Variants in HIPK2 observed in about 807,000 individuals in gnomAD.
HIPK2 encodes the protein homeodomain-interacting protein kinase 2.
In HIPK2, 27 loss-of-function variants were observed where a neutral mutation model predicts 113.7. The observed-to-expected ratio is 0.24, with a 90% CI of 0.17 to 0.33. HIPK2 has a LOEUF of 0.33. HIPK2 is among the 10% of genes least tolerant of loss of function. The probability of loss-of-function intolerance (pLI) is 1.00; values close to 1 mark genes in which losing one functional copy is unlikely to be tolerated. For missense variants in HIPK2, 1,257 were observed against 1,588.0 expected (o/e 0.79, Z 3.54); for synonymous variants, 631 against 642.2 (o/e 0.98, Z 0.26).
intron 2 of HIPK2, among the ~76,000 whole-genome samples, chr7:139,671,362 TACTG>T (rs1024488170): frequency 6.6e-6 from 1 of 152,238 alleles, no homozygotes; most frequent in Non-Finnish European, 1.5e-5. Context: ...ACTTTGTATT[TACTG>T]ACTTACTTAA....
intron 2 of HIPK2, among the ~76,000 whole-genome samples, chr7:139,662,665 G>T (rs927879956): frequency 1.3e-5 from 2 of 150,208 alleles, no homozygotes; most frequent in Admixed American, 6.7e-5. Flanking sequence ...TGTCACCCAG[G>T]CTGGAGCACA....
At chr7:139,750,691 A>C (rs1030569540) in intron 1 of HIPK2, among the ~76,000 whole-genome samples, 1 of 152,200 alleles carries the variant, frequency 6.6e-6, no homozygotes, top group Admixed American at 6.5e-5. Flanking sequence ...TTAGGCCTTG[A>C]GCTTCCAATG....
At chr7:139,720,820 G>A (rs983785293) in intron 1 of HIPK2, among the ~76,000 whole-genome samples, 10 of 152,136 alleles carry the variant, frequency 6.6e-5, no homozygotes, top group African/African-American at 2.4e-4. Context: ...GCAGAAATAC[G>A]CTGTTCATAC....
At chr7:139,726,785 A>C (rs1795588941) in intron 1 of HIPK2, among the ~76,000 whole-genome samples, 1 of 152,198 alleles carries the variant, frequency 6.6e-6, no homozygotes, top group African/African-American at 2.4e-5. Context: ...ACCCTGAACT[A>C]GTTCATGGGT....
At chr7:139,629,567 C>T (rs1800543341) in intron 4 of HIPK2, among the ~76,000 whole-genome samples, 1 of 152,224 alleles carries the variant, frequency 6.6e-6, no homozygotes, top group African/African-American at 2.4e-5. Flanking sequence ...CAGGCACTTG[C>T]CATGGTCACA....
chr7:139,614,202 A>T, intron 8 of HIPK2, 84 bp downstream of exon 8: 1 of 1,186,060 alleles, frequency 8.4e-7, no homozygotes, highest in Non-Finnish European at 1.1e-6. Flanking sequence ...CATGAAAATG[A>T]GCGTGACAGA....
At chr7:139,732,765 T>C (rs1205571020) in intron 1 of HIPK2, among the ~76,000 whole-genome samples, 1 of 148,404 alleles carries the variant, frequency 6.7e-6, no homozygotes, top group Non-Finnish European at 1.5e-5. Context: ...ATATATAACA[T>C]ATATTATATA....
At chr7:139,688,418 C>G (rs1794294346) in intron 2 of HIPK2, among the ~76,000 whole-genome samples, 1 of 152,192 alleles carries the variant, frequency 6.6e-6, no homozygotes, top group African/African-American at 2.4e-5. Flanking sequence ...CAGTTGAAGA[C>G]AGCTAGAGAC....
intron 2 of HIPK2, among the ~76,000 whole-genome samples, chr7:139,661,993 AG>A (rs1801882485): frequency 1.3e-5 from 2 of 152,200 alleles, no homozygotes; most frequent in Admixed American, 1.3e-4. Context: ...ACACTTGCTA[AG>A]ACTACATTAT....
At position 139,567,995 on chromosome 7, in the gene HIPK2, C is replaced by G. The variant is rs1798145365; in HGVS notation, c.*4932G>C. On this transcript the variant is annotated 3_prime_UTR_variant, in exon 15 of 15. Transcript: ENST00000406875. The stretch of plus-strand genomic sequence containing the variant: ...TTCCCGAAGCCTCCTCATCTCCTCC[C>G]TCCAGTTTCCAAGAAAGTTTGTTCC... 1 of 152,376 alleles carries G rather than the reference C, an allele frequency of 6.6e-6. No homozygotes were observed. The highest frequency in any genetic ancestry group is 1.5e-5 in the Non-Finnish European group (1 of 68,172). The allele number at this position is 152,376 out of a possible 1,614,324, so 9.4% of individuals were successfully genotyped here. A position where few individuals can be genotyped will look rare whatever the true frequency, so the allele number is the denominator to read the frequency against.
At chr7:139,657,388 C>T (rs1303457034) in intron 2 of HIPK2, among the ~76,000 whole-genome samples, 1 of 152,204 alleles carries the variant, frequency 6.6e-6, no homozygotes, top group Non-Finnish European at 1.5e-5. Context: ...AATGTTCCTT[C>T]AGACCTCGTC....
At chr7:139,694,166 C>T (rs958885067) in intron 2 of HIPK2, among the ~76,000 whole-genome samples, 1 of 152,156 alleles carries the variant, frequency 6.6e-6, no homozygotes, top group Non-Finnish European at 1.5e-5. Context: ...AGATGCACTT[C>T]GAATTAGCAA....
intron 1 of HIPK2, among the ~76,000 whole-genome samples, chr7:139,746,764 C>A (rs1346873401): frequency 1.3e-5 from 2 of 152,220 alleles, no homozygotes; most frequent in East Asian, 3.9e-4. Context: ...CCTCACCACT[C>A]AGTCAGGTGG....
rs550532401 is a variant in HIPK2 at position 139,638,569 on chromosome 7, C to T, written c.1104-6844G>A. Among the ~76,000 whole-genome samples, 75 of 152,168 alleles carry T rather than the reference C, an allele frequency of 4.9e-4. 1 individual carries two copies. The highest frequency in any genetic ancestry group is 1.5e-3 in the African/African-American group (62 of 41,496). ...TATGAAGTGTCAGACAAAATCTGCA[C>T]CTAAGAAAGAGGACTCATTCCTTTC... On this transcript the variant is annotated intron_variant, in intron 2 of 14. Coordinates refer to ENST00000406875, the MANE Select transcript of HIPK2 (RefSeq NM_022740.5).
chr7:139,658,721 T>C (rs1255598009), intron 2 of HIPK2, among the ~76,000 whole-genome samples: 2 of 152,294 alleles, frequency 1.3e-5, no homozygotes, highest in East Asian at 3.9e-4. Flanking sequence ...TCTTGTTTTG[T>C]ACATCCTAAT....
chr7:139,727,144 A>G (rs2117009208), intron 1 of HIPK2, among the ~76,000 whole-genome samples: 1 of 152,356 alleles, frequency 6.6e-6, no homozygotes, highest in South Asian at 2.1e-4. Context: ...TGCTGTAGAA[A>G]GTAGAGCAGA....
chr7:139,636,281 G>A (rs1023875757), intron 2 of HIPK2, among the ~76,000 whole-genome samples: 19 of 151,586 alleles, frequency 1.3e-4, no homozygotes, highest in African/African-American at 1.2e-4. Context: ...TTGTAGGCTC[G>A]CCCTCTTCTA....
chr7:139,696,284 C>T (rs1188791584), intron 2 of HIPK2, among the ~76,000 whole-genome samples: 1 of 152,052 alleles, frequency 6.6e-6, no homozygotes, highest in Non-Finnish European at 1.5e-5. Flanking sequence ...AGAAAAAAAG[C>T]AGTCTTGGCT....
At chr7:139,608,961 A>G (rs1012127269) in intron 9 of HIPK2, among the ~76,000 whole-genome samples, 3 of 152,252 alleles carry the variant, frequency 2.0e-5, no homozygotes, top group African/African-American at 7.2e-5. Flanking sequence ...AGTAAAAAAT[A>G]AAGAGGTTCA....
Sources: allele counts gnomAD v4.1 joint callset (sites outside exome capture counted in the v4.1 genomes callset), GRCh38; gene constraint gnomAD v4.1.1; transcripts MANE v1.5; gene names NCBI Gene and HGNC (gene_info 2026-07-23, HGNC 2026-07-21).